The following LRRTM4 variants were observed in gnomAD, a reference collection of about 807,000 sequenced individuals.
LRRTM4 encodes the protein leucine-rich repeat transmembrane neuronal protein 4.
In LRRTM4, 25 loss-of-function variants were observed where a neutral mutation model predicts 47.6. That is an observed-to-expected ratio of 0.53 (90% CI 0.38 to 0.73). The LOEUF is 0.73. Among genes scored for constraint, LRRTM4 ranks in the 30% least tolerant of loss-of-function variants. The pLI, the probability that LRRTM4 is intolerant of heterozygous loss-of-function variation, is 0.00. For synonymous variants in LRRTM4, 311 were observed against 269.5 expected (o/e 1.15, Z -1.51); for missense variants, 638 against 713.4 (o/e 0.89, Z 1.20).
chr2:77,225,898 T>C (rs1260124255), intron 3 of LRRTM4, among the ~76,000 whole-genome samples: 1 of 151,968 alleles, frequency 6.6e-6, no homozygotes, highest in Non-Finnish European at 1.5e-5. Context: ...TCTACAAAGA[T>C]GACATCAACT....
chr2:77,219,020 C>G (rs74671646), intron 3 of LRRTM4, among the ~76,000 whole-genome samples: 4,445 of 152,158 alleles, frequency 0.029, 86 homozygotes, highest in South Asian at 0.062. Flanking sequence ...TATTGAAATC[C>G]CTGTGAGAAA....
intron 3 of LRRTM4, among the ~76,000 whole-genome samples, chr2:76,953,391 A>G (rs1194314548): frequency 6.6e-6 from 1 of 151,912 alleles, no homozygotes; most frequent in Non-Finnish European, 1.5e-5. Flanking sequence ...GTTGCTTTGA[A>G]ACGGGCAAAA....
At chr2:76,787,536 GAAAGGAA>G (rs1029467172) in intron 3 of LRRTM4, among the ~76,000 whole-genome samples, 4 of 151,362 alleles carry the variant, frequency 2.6e-5, no homozygotes, top group Non-Finnish European at 4.4e-5. Context: ...TAAAAACAGG[GAAAGGAA>G]AAAAGAAAGG....
chr2:76,940,566 A>T (rs1675103088), intron 3 of LRRTM4, among the ~76,000 whole-genome samples: 1 of 152,142 alleles, frequency 6.6e-6, no homozygotes, highest in Admixed American at 6.5e-5. Context: ...TGACAAAATA[A>T]TCTGTACAAC....
intron 3 of LRRTM4, among the ~76,000 whole-genome samples, chr2:77,346,550 T>C (rs989366998): frequency 6.6e-6 from 1 of 152,170 alleles, no homozygotes; most frequent in African/African-American, 2.4e-5. Flanking sequence ...TATATTCATA[T>C]AACTGTCAGC....
At chr2:76,987,151 T>C (rs960969485) in intron 3 of LRRTM4, among the ~76,000 whole-genome samples, 1 of 151,918 alleles carries the variant, frequency 6.6e-6, no homozygotes. Flanking sequence ...TGTGTAAGAA[T>C]TGTCTTTTAC....
intron 3 of LRRTM4, among the ~76,000 whole-genome samples, chr2:77,211,579 AT>A (rs1674294911): frequency 6.6e-6 from 1 of 152,170 alleles, no homozygotes; most frequent in African/African-American, 2.4e-5. Context: ...TTAAGAGTAT[AT>A]ATTTCTTGCT....
intron 3 of LRRTM4, among the ~76,000 whole-genome samples, chr2:76,857,320 A>AATATATATATAATATATATATC (rs1300405169): frequency 2.0e-5 from 3 of 147,968 alleles, no homozygotes; most frequent in African/African-American, 7.4e-5. Flanking sequence ...ATATATATAT[A>AATATATATATAATATATATATC]ATATATATAT....
chr2:77,061,467 C>A (rs563609503), intron 3 of LRRTM4, among the ~76,000 whole-genome samples: 1 of 152,196 alleles, frequency 6.6e-6, no homozygotes, highest in South Asian at 2.1e-4. Context: ...CAGTGTGATA[C>A]AGAAGCTTTC....
intron 3 of LRRTM4, among the ~76,000 whole-genome samples, chr2:76,993,080 T>C (rs1558783951): frequency 6.6e-6 from 1 of 151,806 alleles, no homozygotes; most frequent in Non-Finnish European, 1.5e-5. Flanking sequence ...TCTGAAAGAA[T>C]AAAACTGGAC....
intron 3 of LRRTM4, among the ~76,000 whole-genome samples, chr2:76,905,147 C>T (rs984307398): frequency 6.6e-6 from 1 of 152,112 alleles, no homozygotes; most frequent in Non-Finnish European, 1.5e-5. Context: ...TCCTCTGAGA[C>T]AAAACTTCCA....
At position 77,359,079 on chromosome 2, in the gene LRRTM4, C is replaced by T. The variant is rs144683696; in HGVS notation, c.1551+159239G>A. Among the ~76,000 whole-genome samples, 133 of 151,970 alleles carry T rather than the reference C, an allele frequency of 8.8e-4. 1 individual carries two copies. The East Asian group carries it at 0.025, about 28-fold the overall frequency. ...CTTTGTTTTTGATGCTTTTAATCAC[C>T]AAGTTTTTAAAGTCTTACATAATAA... On this transcript the variant is annotated intron_variant, in intron 3 of 3. Transcript: ENST00000409884.
At position 76,835,301 on chromosome 2, in the gene LRRTM4, TGAG is replaced by T. The variant is rs537016887; in HGVS notation, c.1552-86388_1552-86386del. On this transcript the variant is annotated intron_variant, in intron 3 of 3. Transcript: ENST00000409884. ...AAAAAACACTAAATGAAAACTAATG[TGAG>T]TGTCTGGCTCCTAACATATGCATAG... Among the ~76,000 whole-genome samples, 75 of 87,314 alleles carry T rather than the reference TGAG, an allele frequency of 8.6e-4. No homozygotes were observed. The South Asian group carries it at 0.029, about 33-fold the overall frequency. The allele number at this position is 87,314 out of a possible 152,430, so 57.3% of individuals were successfully genotyped here. A position where few individuals can be genotyped will look rare whatever the true frequency, so the allele number is the denominator to read the frequency against.
intron 3 of LRRTM4, among the ~76,000 whole-genome samples, chr2:76,915,620 A>T (rs148320807): frequency 2.0e-5 from 3 of 152,290 alleles, no homozygotes; most frequent in African/African-American, 7.2e-5. Flanking sequence ...CAAGACACAA[A>T]AGAGTCACCC....
intron 3 of LRRTM4, among the ~76,000 whole-genome samples, chr2:76,861,765 G>C (rs1464738840): frequency 1.3e-5 from 2 of 152,140 alleles, no homozygotes; most frequent in African/African-American, 4.8e-5. Flanking sequence ...CTCCAAATTG[G>C]AGCACGGCAT....
intron 3 of LRRTM4, among the ~76,000 whole-genome samples, chr2:76,749,461 G>A (rs113187318): frequency 0.018 from 2,707 of 152,026 alleles, 85 homozygotes; most frequent in African/African-American, 0.061. Context: ...ATCATCATGT[G>A]TAACTTTTAT....
At chr2:77,078,537 A>G (rs1680425767) in intron 3 of LRRTM4, among the ~76,000 whole-genome samples, 1 of 152,116 alleles carries the variant, frequency 6.6e-6, no homozygotes, top group South Asian at 2.1e-4. Context: ...TATAATCAAT[A>G]TTTTATTAAC....
intron 3 of LRRTM4, among the ~76,000 whole-genome samples, chr2:77,464,366 A>G (rs1413350768): frequency 6.6e-6 from 1 of 152,166 alleles, no homozygotes; most frequent in African/African-American, 2.4e-5. Flanking sequence ...GATAATGTGA[A>G]TCACATATAT....
chr2:77,203,174 C>T (rs968284423), intron 3 of LRRTM4, among the ~76,000 whole-genome samples: 1 of 151,738 alleles, frequency 6.6e-6, no homozygotes, highest in Non-Finnish European at 1.5e-5. Context: ...GCAGTGAGAA[C>T]TTTGAACATT....
Sources: allele counts gnomAD v4.1 joint callset (sites outside exome capture counted in the v4.1 genomes callset), GRCh38; gene constraint gnomAD v4.1.1; transcripts MANE v1.5; gene names NCBI Gene and HGNC (gene_info 2026-07-23, HGNC 2026-07-21).